ADGRB3: variants seen among roughly 807,000 people sequenced by gnomAD.
ADGRB3 encodes adhesion G protein-coupled receptor B3.
Under a neutral mutation model 193.4 loss-of-function variants are expected in ADGRB3, and 37 were observed. The observed-to-expected ratio is 0.19, with a 90% CI of 0.15 to 0.25. The LOEUF (loss-of-function observed/expected upper bound fraction) is 0.25, where lower values mean the gene tolerates loss of function less well. Ranked by LOEUF, ADGRB3 falls within the 10% of genes least tolerant of loss-of-function variation. ADGRB3 has a pLI of 1.00. For synonymous variants in ADGRB3, 690 were observed against 644.2 expected (o/e 1.07, Z -1.08); for missense variants, 1,637 against 1,852.9 (o/e 0.88, Z 2.14).
intron 17 of ADGRB3, among the ~76,000 whole-genome samples, chr6:69,100,225 C>A (rs1170325149): frequency 6.6e-6 from 1 of 152,126 alleles, no homozygotes; most frequent in African/African-American, 2.4e-5. Flanking sequence ...ACATCTATAA[C>A]TTTTAAATAT....
chr6:68,842,140 T>C (rs1221392639), intron 3 of ADGRB3, among the ~76,000 whole-genome samples: 1 of 151,912 alleles, frequency 6.6e-6, no homozygotes, highest in Non-Finnish European at 1.5e-5. Flanking sequence ...TATAACTATA[T>C]ACATCTACTA....
At chr6:68,756,414 G>A (rs1766299729) in intron 3 of ADGRB3, among the ~76,000 whole-genome samples, 1 of 152,174 alleles carries the variant, frequency 6.6e-6, no homozygotes, top group Non-Finnish European at 1.5e-5. Flanking sequence ...AATCCAAGGG[G>A]GAACTGTGTG....
intron 3 of ADGRB3, among the ~76,000 whole-genome samples, chr6:68,799,389 G>A (rs1332135071): frequency 4.6e-5 from 7 of 152,102 alleles, no homozygotes; most frequent in Non-Finnish European, 1.0e-4. Context: ...GAATAAAGAA[G>A]ACAGAAGTTT....
chr6:68,750,803 A>T (rs1766183550), intron 3 of ADGRB3, among the ~76,000 whole-genome samples: 1 of 152,218 alleles, frequency 6.6e-6, no homozygotes, highest in African/African-American at 2.4e-5. Context: ...TAAAGCACAT[A>T]ACCAAATATT....
At chr6:68,926,868 A>T (rs1767196736) in intron 3 of ADGRB3, among the ~76,000 whole-genome samples, 1 of 152,156 alleles carries the variant, frequency 6.6e-6, no homozygotes, top group South Asian at 2.1e-4. Flanking sequence ...TTTGTTTTTT[A>T]ATGATCTACT....
intron 3 of ADGRB3, among the ~76,000 whole-genome samples, chr6:68,891,553 C>T (rs1192166843): frequency 2.0e-5 from 3 of 151,968 alleles, no homozygotes; most frequent in African/African-American, 7.2e-5. Context: ...GATCAAACAA[C>T]TTAATGAATG....
chr6:69,319,423 T>C (rs190599737), intron 20 of ADGRB3, among the ~76,000 whole-genome samples: 83 of 151,438 alleles, frequency 5.5e-4, no homozygotes, highest in African/African-American at 1.9e-3. Context: ...CATGCTCTGT[T>C]TTTTTATGTA....
chr6:69,122,277 C>T (rs966727880), intron 17 of ADGRB3, among the ~76,000 whole-genome samples: 3 of 151,564 alleles, frequency 2.0e-5, no homozygotes, highest in East Asian at 3.9e-4. Context: ...GGCGAAACCC[C>T]GTCTCCTCCA....
At chr6:69,161,919 G>A (rs566373818) in intron 17 of ADGRB3, among the ~76,000 whole-genome samples, 1 of 152,202 alleles carries the variant, frequency 6.6e-6, no homozygotes, top group African/African-American at 2.4e-5. Context: ...GTCAGAGATA[G>A]CCCCCAAAGT....
At chr6:69,121,977 C>T (rs1260856010) in intron 17 of ADGRB3, among the ~76,000 whole-genome samples, 20 of 51,200 alleles carry the variant, frequency 3.9e-4, no homozygotes, top group Non-Finnish European at 7.7e-4. Context: ...AGACGATGGG[C>T]GGCCAGGCAG....
At chr6:69,205,429 G>T (rs1463200899) in intron 17 of ADGRB3, among the ~76,000 whole-genome samples, 2 of 151,290 alleles carry the variant, frequency 1.3e-5, no homozygotes, top group Non-Finnish European at 2.9e-5. Context: ...ATAGCCTCAT[G>T]GTTAAAACAA....
intron 13 of ADGRB3, among the ~76,000 whole-genome samples, chr6:69,042,442 T>TCCTTC (rs1251436089): frequency 2.0e-5 from 3 of 152,218 alleles, no homozygotes; most frequent in African/African-American, 7.2e-5. Flanking sequence ...ATGTTAGCTA[T>TCCTTC]CCTTCCCTTC....
chr6:69,155,412 CAAGAA>C (rs1321708996), intron 17 of ADGRB3, among the ~76,000 whole-genome samples: 2 of 151,932 alleles, frequency 1.3e-5, no homozygotes, highest in Non-Finnish European at 2.9e-5. Flanking sequence ...TGTTTGCTTC[CAAGAA>C]AAGAAAAGAA....
intron 3 of ADGRB3, among the ~76,000 whole-genome samples, chr6:68,815,247 T>C (rs1220741466): frequency 1.3e-5 from 2 of 152,190 alleles, no homozygotes; most frequent in Admixed American, 1.3e-4. Flanking sequence ...AATAAGAATT[T>C]AAACTGCAGT....
chr6:68,765,667 T>C (rs1766495827), intron 3 of ADGRB3, among the ~76,000 whole-genome samples: 1 of 152,108 alleles, frequency 6.6e-6, no homozygotes, highest in African/African-American at 2.4e-5. Flanking sequence ...TATTCATCTT[T>C]ATTTATAAGT....
chr6:68,771,149 G>C (rs1479305549), intron 3 of ADGRB3, among the ~76,000 whole-genome samples: 1 of 151,850 alleles, frequency 6.6e-6, no homozygotes, highest in African/African-American at 2.4e-5. Flanking sequence ...TTAAATTTTT[G>C]CTATGTAAAC....
chr6:68,671,554 A>G (rs1479056832), intron 3 of ADGRB3, among the ~76,000 whole-genome samples: 1 of 152,028 alleles, frequency 6.6e-6, no homozygotes, highest in Non-Finnish European at 1.5e-5. Context: ...ATGATGTATC[A>G]TATTGAGTGA....
At chr6:68,884,410 T>G (rs1336959044) in intron 3 of ADGRB3, among the ~76,000 whole-genome samples, 1 of 152,098 alleles carries the variant, frequency 6.6e-6, no homozygotes, top group Non-Finnish European at 1.5e-5. Context: ...TTGACCTAAA[T>G]TGGATTGAGA....
chr6:68,823,944 A>G (rs916403636), intron 3 of ADGRB3, among the ~76,000 whole-genome samples: 2 of 152,070 alleles, frequency 1.3e-5, no homozygotes, highest in Non-Finnish European at 2.9e-5. Context: ...TGAGAACTTC[A>G]GTTTTTATTT....
Sources: allele counts gnomAD v4.1 joint callset (sites outside exome capture counted in the v4.1 genomes callset), GRCh38; gene constraint gnomAD v4.1.1; transcripts MANE v1.5; gene names NCBI Gene and HGNC (gene_info 2026-07-23, HGNC 2026-07-21).